Variants in GALNT7 observed in about 807,000 individuals in gnomAD.
GALNT7 encodes the protein polypeptide N-acetylgalactosaminyltransferase 7, also known as N-acetylgalactosaminyltransferase 7.
In GALNT7, 60 loss-of-function variants were observed where a neutral mutation model predicts 82.1. The observed-to-expected ratio is 0.73, with a 90% CI of 0.59 to 0.91. The LOEUF is 0.91. GALNT7 is among the 40% of genes least tolerant of loss of function. The pLI is 0.00. For synonymous variants in GALNT7, 243 were observed against 275.1 expected, an observed-to-expected ratio of 0.88 and a Z score of 1.15; for missense variants, 660 against 804.2, an observed-to-expected ratio of 0.82 and a Z score of 2.17.
chr4:173,275,381 G>C (rs1215026007), intron 2 of GALNT7, among the ~76,000 whole-genome samples: 2 of 152,172 alleles, frequency 1.3e-5, no homozygotes, highest in Non-Finnish European at 2.9e-5. Context: ...GATAAGAAAG[G>C]TGTTGTCATG....
chr4:173,314,328 A>G (rs1421038704), intron 9 of GALNT7, 152 bp downstream of exon 9: 23 of 631,878 alleles, frequency 3.6e-5, no homozygotes, highest in Non-Finnish European at 5.1e-5. Flanking sequence ...CTAAACAGCT[A>G]TAGCTGCCAG....
chr4:173,183,043 A>AACACACACACACCACACACAC (rs1331023696), intron 1 of GALNT7, among the ~76,000 whole-genome samples: 10 of 125,034 alleles, frequency 8.0e-5, no homozygotes, highest in African/African-American at 2.9e-4. Flanking sequence ...CACACACATA[A>AACACACACACACCACACACAC]ACACACACAC....
Position 173,292,114 on chromosome 4 carries a change from G to A in GALNT7, c.594G>A (p.Lys198=), listed in dbSNP as rs774015497. Residue 198 remains lysine, a synonymous_variant, in exon 3 of 12, where the codon AAG becomes AAA. Transcript: ENST00000265000. This position sits in a 1 kb window ranked among gnomAD's most constrained non-coding sequence, Gnocchi z 4.8. Reference sequence around the variant, plus strand: ...TGAAATTTTCTCTTTACAGATGCAAGTATTGGCATTATGATGAAAACTTGC... The same window carrying A: ...TGAAATTTTCTCTTTACAGATGCAAATATTGGCATTATGATGAAAACTTGC... ...SVNDLRQEEC[K]YWHYDENLLT... The A allele has an allele frequency of 6.2e-7, 1 of 1,604,122 alleles. No individual in the cohort carries two copies. Among genetic ancestry groups the A allele is most frequent in the South Asian group, 1.1e-5 (1 of 89,280 alleles).
intron 2 of GALNT7, among the ~76,000 whole-genome samples, chr4:173,256,777 G>T (rs1190174595): frequency 6.6e-6 from 1 of 152,144 alleles, no homozygotes; most frequent in East Asian, 1.9e-4. Flanking sequence ...TAATATAAAA[G>T]GAAGAATGGG....
At chr4:173,318,849 A>C (rs1453829893) in intron 11 of GALNT7, among the ~76,000 whole-genome samples, 1 of 152,150 alleles carries the variant, frequency 6.6e-6, no homozygotes, top group Admixed American at 6.5e-5. Flanking sequence ...TCTGTGAGGC[A>C]GTCATCACCA....
intron 2 of GALNT7, among the ~76,000 whole-genome samples, chr4:173,280,531 C>CT (rs1267802090): frequency 2.6e-4 from 40 of 152,138 alleles, no homozygotes; most frequent in African/African-American, 9.7e-4. Flanking sequence ...TAAAATTACT[C>CT]TAAGAATAAC....
At chr4:173,239,770 T>C (rs1398371792) in intron 1 of GALNT7, among the ~76,000 whole-genome samples, 2 of 152,236 alleles carry the variant, frequency 1.3e-5, no homozygotes, top group African/African-American at 4.8e-5. Context: ...TTTTAACTTA[T>C]ATGTTGAGAA....
chr4:173,227,786 A>G (rs7671769), intron 1 of GALNT7, among the ~76,000 whole-genome samples: 3,012 of 151,958 alleles, frequency 0.02, 104 homozygotes, highest in African/African-American at 0.069. Context: ...AATTGATTTC[A>G]CTGCATTCTG....
At chr4:173,212,401 A>G (rs1231291070) in intron 1 of GALNT7, among the ~76,000 whole-genome samples, 2 of 152,220 alleles carry the variant, frequency 1.3e-5, no homozygotes, top group Non-Finnish European at 2.9e-5. Context: ...GAATTTTTAA[A>G]AAGCATTTTA....
At chr4:173,195,416 CAGA>C (rs1299444778) in intron 1 of GALNT7, among the ~76,000 whole-genome samples, 2 of 152,108 alleles carry the variant, frequency 1.3e-5, no homozygotes, top group African/African-American at 2.4e-5. Flanking sequence ...CCCTTCCATT[CAGA>C]AGACCTGTAA....
intron 1 of GALNT7, among the ~76,000 whole-genome samples, chr4:173,230,853 G>T (rs563983191): frequency 6.6e-6 from 1 of 152,276 alleles, no homozygotes; most frequent in Non-Finnish European, 1.5e-5. Context: ...CTGTGATAGT[G>T]TAATTATCTT....
intron 1 of GALNT7, among the ~76,000 whole-genome samples, chr4:173,226,331 C>A (rs150964871): frequency 3.9e-4 from 60 of 152,220 alleles, no homozygotes; most frequent in African/African-American, 1.3e-3. Context: ...CTTTTAACTC[C>A]GTGCCTTATA....
At chr4:173,308,359 G>C (rs1393644561) in intron 8 of GALNT7, among the ~76,000 whole-genome samples, 3 of 152,036 alleles carry the variant, frequency 2.0e-5, no homozygotes, top group Non-Finnish European at 2.9e-5. Context: ...AAAAAAGTCT[G>C]ACACTGTGTA....
At chr4:173,305,912 A>AT (rs2126854893) in intron 8 of GALNT7, among the ~76,000 whole-genome samples, 1 of 152,086 alleles carries the variant, frequency 6.6e-6, no homozygotes, top group Non-Finnish European at 1.5e-5. Flanking sequence ...TTTAGGATGG[A>AT]TTTTTTTATT....
chr4:173,210,482 C>G (rs995676411), intron 1 of GALNT7, among the ~76,000 whole-genome samples: 1 of 152,102 alleles, frequency 6.6e-6, no homozygotes, highest in African/African-American at 2.4e-5. Context: ...GAAACAGGGT[C>G]TTGCTCTGTC....
At chr4:173,264,145 C>T (rs1318420979) in intron 2 of GALNT7, among the ~76,000 whole-genome samples, 1 of 152,166 alleles carries the variant, frequency 6.6e-6, no homozygotes, top group Non-Finnish European at 1.5e-5. Flanking sequence ...CCACCCTTCC[C>T]TTTTCAAAAG....
At chr4:173,288,223 C>T (rs923618725) in intron 2 of GALNT7, among the ~76,000 whole-genome samples, 6 of 135,254 alleles carry the variant, frequency 4.4e-5, no homozygotes, top group African/African-American at 1.8e-4. Context: ...GCGGAGCTTG[C>T]AGTGAGCCGA....
chr4:173,261,346 AG>A (rs1161991840), intron 2 of GALNT7, among the ~76,000 whole-genome samples: 1 of 152,028 alleles, frequency 6.6e-6, no homozygotes, highest in Non-Finnish European at 1.5e-5. Flanking sequence ...AGACAAGGGA[AG>A]GGTGTGCAAA....
intron 1 of GALNT7, among the ~76,000 whole-genome samples, chr4:173,223,875 T>C (rs1733716580): frequency 6.6e-6 from 1 of 152,224 alleles, no homozygotes; most frequent in South Asian, 2.1e-4. Context: ...GGTAAAACAT[T>C]ATTGATAAAA....
Sources: allele counts gnomAD v4.1 joint callset (sites outside exome capture counted in the v4.1 genomes callset), GRCh38; gene constraint gnomAD v4.1.1; non-coding constraint Gnocchi (gnomAD v3.1); transcripts MANE v1.5; gene names NCBI Gene and HGNC (gene_info 2026-07-23, HGNC 2026-07-21).